TDRD12: variants seen among roughly 807,000 people sequenced by gnomAD.
TDRD12 encodes the protein putative ATP-dependent RNA helicase TDRD12.
TDRD12 carries 158 observed loss-of-function variants against 133.5 expected under a neutral mutation model. The ratio of observed to expected loss-of-function variants is 1.18; its 90% CI spans 1.04 to 1.35. The LOEUF (loss-of-function observed/expected upper bound fraction) is 1.35. TDRD12 is among the 40% of genes most tolerant of loss of function. The pLI is 0.00. For missense variants in TDRD12, 1,443 were observed against 1,321.3 expected (o/e 1.09, Z -1.43); for synonymous variants, 460 against 477.9 (o/e 0.96, Z 0.49).
chr19:32,798,397 G>A, exon 16 of TDRD12: 1 of 1,536,010 alleles, frequency 6.5e-7, no homozygotes, highest in Non-Finnish European at 8.7e-7. Flanking sequence ...CCTGATCCTG[G>A]ATGAGGTAGA....
intron 11 of TDRD12, among the ~76,000 whole-genome samples, chr19:32,782,397 T>C (rs1176740533): frequency 1.3e-5 from 2 of 152,230 alleles, no homozygotes; most frequent in Non-Finnish European, 2.9e-5. Context: ...TCCAAGTCTT[T>C]ACTATTGTGA....
chr19:32,823,902 A>G (rs1426767128), downstream of TDRD12, among the ~76,000 whole-genome samples: 1 of 152,214 alleles, frequency 6.6e-6, no homozygotes, highest in East Asian at 1.9e-4. Context: ...TGCACTTTGC[A>G]TAGAGCCTGG....
At chr19:32,772,844 A>T in exon 9 of TDRD12, 1 of 1,443,016 alleles carries the variant, frequency 6.9e-7, no homozygotes, top group Non-Finnish European at 9.2e-7. Context: ...TAAAAGATAC[A>T]AATAAGGTTG....
rs572980415 is a variant in TDRD12, at chr19:32,732,950, A to C, written c.183+1067A>C. On this transcript the variant is annotated intron_variant, in intron 2 of 27. Transcript: ENST00000444215. ...CACTTTGGGAGGCCAAGGAAAGAAG[A>C]TTGCTTGAGCCTAGGAGTTTTGTGA... Among the ~76,000 whole-genome samples the C allele has an allele frequency of 2.2e-4, 33 of 152,266 alleles. No individual in the cohort carries two copies. In the South Asian group the frequency reaches 6.8e-3, roughly 32 times the overall value.
chr19:32,824,212 T>C (rs4805812), downstream of TDRD12: 91,627 of 152,516 alleles, frequency 0.6, 28,206 homozygotes, highest in East Asian at 0.92. Context: ...AGTGTCTCCA[T>C]GTGGCTAGAA....
intron 8 of TDRD12, among the ~76,000 whole-genome samples, chr19:32,769,158 G>A (rs1040496884): frequency 6.6e-6 from 1 of 152,078 alleles, no homozygotes; most frequent in Non-Finnish European, 1.5e-5. Context: ...TTGATTTTTG[G>A]TAAAGTCTAG....
At chr19:32,777,926 G>C (rs185987284) in intron 11 of TDRD12, among the ~76,000 whole-genome samples, 8 of 125,978 alleles carry the variant, frequency 6.4e-5, no homozygotes, top group Admixed American at 2.9e-4. Context: ...ACCCAGGCTG[G>C]TCTCAAAGTC....
chr19:32,739,671 T>TA (rs1969342247), intron 3 of TDRD12, among the ~76,000 whole-genome samples: 1 of 124,510 alleles, frequency 8.0e-6, no homozygotes. Context: ...CTGCATCTCC[T>TA]GCTGCTCTCT....
intron 27 of TDRD12, among the ~76,000 whole-genome samples, chr19:32,819,477 T>C (rs1967304745): frequency 6.6e-6 from 1 of 152,154 alleles, no homozygotes; most frequent in South Asian, 2.1e-4. Context: ...TTTTTAGAAA[T>C]GAAGATGTCA....
chr19:32,770,706 T>C (rs1050177786), intron 8 of TDRD12, among the ~76,000 whole-genome samples: 8 of 152,338 alleles, frequency 5.3e-5, no homozygotes, highest in African/African-American at 1.9e-4. Context: ...CACCTTTCTG[T>C]GCTTGCTTTT....
At chr19:32,783,168 A>G (rs1970816038) in intron 11 of TDRD12, among the ~76,000 whole-genome samples, 1 of 152,162 alleles carries the variant, frequency 6.6e-6, no homozygotes, top group Admixed American at 6.5e-5. Context: ...GTCCAGTTTC[A>G]GTTTTCTGCA....
intron 10 of TDRD12, among the ~76,000 whole-genome samples, chr19:32,774,010 A>G (rs1377285312): frequency 6.6e-6 from 1 of 152,184 alleles, no homozygotes; most frequent in African/African-American, 2.4e-5. Flanking sequence ...ACGTGGCCAG[A>G]TGGCAGCACA....
chr19:32,726,065 G>C (rs1968848923), intron 1 of TDRD12, among the ~76,000 whole-genome samples: 2 of 151,762 alleles, frequency 1.3e-5, no homozygotes, highest in Admixed American at 6.6e-5. Flanking sequence ...ACAGTTCATG[G>C]TATTAAATAC....
intron 15 of TDRD12, 92 bp from the exon 16 acceptor site, chr19:32,798,193 ACAGTGTTTTACTTCATTAGAAGG>A: frequency 9.9e-7 from 1 of 1,011,250 alleles, no homozygotes; most frequent in African/African-American, 1.6e-5. Context: ...TAGGACAGAA[ACAGTGTTTTACTTCATTAGAAGG>A]CATTTCTAGA....
intron 10 of TDRD12, among the ~76,000 whole-genome samples, chr19:32,775,349 G>T (rs947348958): frequency 6.6e-6 from 1 of 151,740 alleles, no homozygotes; most frequent in Non-Finnish European, 1.5e-5. Context: ...ATTTTTTTGC[G>T]ACAGGATCTT....
At chr19:32,751,249 T>A (rs1413168101) in intron 6 of TDRD12, among the ~76,000 whole-genome samples, 2 of 152,124 alleles carry the variant, frequency 1.3e-5, no homozygotes, top group Non-Finnish European at 2.9e-5. Flanking sequence ...TAATGGCTTC[T>A]AGCTTCATCC....
chr19:32,767,377 ACTCGG>A (rs1425118922), intron 8 of TDRD12, among the ~76,000 whole-genome samples: 1 of 149,606 alleles, frequency 6.7e-6, no homozygotes, highest in Non-Finnish European at 1.5e-5. Context: ...GATCCACCCG[ACTCGG>A]CCTCCCAAAG....
intron 11 of TDRD12, among the ~76,000 whole-genome samples, chr19:32,787,732 G>A (rs943787510): frequency 2.6e-5 from 4 of 152,228 alleles, no homozygotes; most frequent in South Asian, 2.1e-4. Flanking sequence ...ATCTGTGGGC[G>A]TGGGACCCGC....
intron 1 of TDRD12, among the ~76,000 whole-genome samples, chr19:32,726,154 C>T (rs1297846920): frequency 6.6e-6 from 1 of 151,538 alleles, no homozygotes; most frequent in Non-Finnish European, 1.5e-5. Flanking sequence ...GATCTCAGCT[C>T]ACTGCAAGCT....
Sources: allele counts gnomAD v4.1 joint callset (sites outside exome capture counted in the v4.1 genomes callset), GRCh38; gene constraint gnomAD v4.1.1; transcripts MANE v1.5; gene names NCBI Gene and HGNC (gene_info 2026-07-23, HGNC 2026-07-21).